Variants in MLXIP observed in about 807,000 individuals in gnomAD.
MLXIP encodes MLX interacting protein.
Under a neutral mutation model 87.2 loss-of-function variants are expected in MLXIP, and 30 were observed. The observed-to-expected ratio is 0.34, with a 90% confidence interval of 0.26 to 0.47. MLXIP has a LOEUF of 0.47. Ranked by LOEUF, MLXIP falls within the 20% of genes least tolerant of loss-of-function variation. MLXIP has a pLI of 1.00. For synonymous variants in MLXIP, 530 were observed against 514.0 expected (o/e 1.03, Z -0.42); for missense variants, 1,002 against 1,240.1 (o/e 0.81, Z 2.88).
chr12:122,088,673 T>C (rs2135900179), intron 1 of MLXIP, among the ~76,000 whole-genome samples: 1 of 152,196 alleles, frequency 6.6e-6, no homozygotes, highest in East Asian at 1.9e-4. Flanking sequence ...TGTTGAGGAA[T>C]ATTCTGCAAG....
At chr12:122,102,072 A>AC (rs923097007) in intron 1 of MLXIP, among the ~76,000 whole-genome samples, 1 of 152,220 alleles carries the variant, frequency 6.6e-6, no homozygotes, top group African/African-American at 2.4e-5. Context: ...AAGTGAAACT[A>AC]CAAGATCAAA....
At chr12:122,140,743 T>C in intron 15 of MLXIP, 1 of 735,788 alleles carries the variant, frequency 1.4e-6, no homozygotes, top group South Asian at 1.5e-5. Context: ...TGAGCGGCCC[T>C]GTTGTCCAGG....
intron 1 of MLXIP, among the ~76,000 whole-genome samples, chr12:122,101,315 G>A (rs998275764): frequency 6.6e-6 from 1 of 151,234 alleles, no homozygotes; most frequent in South Asian, 2.1e-4. Flanking sequence ...GTTACACCCT[G>A]TTGTTTTGTC....
At chr12:122,088,857 A>T (rs951261109) in intron 1 of MLXIP, among the ~76,000 whole-genome samples, 2 of 152,092 alleles carry the variant, frequency 1.3e-5, no homozygotes, top group African/African-American at 4.8e-5. Context: ...ATATTCACCC[A>T]GTATTCTAGC....
At position 122,141,973 on chromosome 12, in the gene MLXIP, C is replaced by T. The variant is rs1953214693; in HGVS notation, c.*161C>T. On this transcript the variant is annotated 3_prime_UTR_variant, in exon 17 of 17. Coordinates refer to ENST00000319080, the MANE Select transcript of MLXIP (RefSeq NM_014938.6). ...CGGGAGGCCATGCTCAGGTCTGAAGCAGGTTTGGGGCCTGCTGACAGCAAT... is the reference window on the plus strand; with the variant it reads ...CGGGAGGCCATGCTCAGGTCTGAAGTAGGTTTGGGGCCTGCTGACAGCAAT... 2 of 1,138,350 alleles carry T rather than the reference C, an allele frequency of 1.8e-6. No individual in the cohort carries two copies. Among genetic ancestry groups the T allele is most frequent in the South Asian group, 1.5e-5 (1 of 65,788 alleles). 70.5% of individuals were successfully genotyped at this position (1,138,350 alleles called of 1,614,324 possible).
At chr12:122,134,185 C>T in intron 9 of MLXIP, 198 bp downstream of exon 9, 1 of 663,736 alleles carries the variant, frequency 1.5e-6, no homozygotes, top group Non-Finnish European at 2.3e-6. Context: ...TATGCTCTAT[C>T]TTTTTTGTTT....
chr12:122,088,378 C>A (rs1952198617), intron 1 of MLXIP, among the ~76,000 whole-genome samples: 1 of 152,114 alleles, frequency 6.6e-6, no homozygotes, highest in African/African-American at 2.4e-5. Flanking sequence ...GCTGACTGCA[C>A]CATCAGAAAA....
At chr12:122,111,625 A>C (rs912575145) in intron 1 of MLXIP, among the ~76,000 whole-genome samples, 1 of 152,226 alleles carries the variant, frequency 6.6e-6, no homozygotes, top group Non-Finnish European at 1.5e-5. Context: ...AGGTGGGGCT[A>C]TGTCAAACAC....
At position 122,141,762 on chromosome 12, in the gene MLXIP, CAGGCGTCCA is replaced by C. The variant is rs764003143; in HGVS notation, c.2715_2723del (p.Ser906_Ala908del). ...CACAGACCCGGCACAGCTGCCAGAGCAGGCGTCCAAGGCTGTCACCAGGATTGGCAAGAG... is the reference window on the plus strand; with the variant it reads ...CACAGACCCGGCACAGCTGCCAGAGCAGGCTGTCACCAGGATTGGCAAGAG... On this transcript the variant is annotated inframe_deletion, in exon 17 of 17. Transcript: ENST00000319080. 1.6e-5 allele frequency: 26 copies of C among 1,613,742 alleles called. No homozygotes were observed. The Middle Eastern group carries it at 5.0e-4, about 31-fold the overall frequency.
At position 122,079,008 on chromosome 12, in the gene MLXIP, C is replaced by A; in HGVS notation, c.155C>A (p.Ala52Asp). 8.2e-7 allele frequency: 1 copy of A among 1,226,088 alleles called. No homozygotes were observed. The highest frequency in any genetic ancestry group is 1.0e-6 in the Non-Finnish European group (1 of 981,584). 76.0% of individuals were successfully genotyped at this position (1,226,088 alleles called of 1,614,324 possible). A position where few individuals can be genotyped will look rare whatever the true frequency, so the allele number is the denominator to read the frequency against. ...PASGAATPAR[A>D]HASAAPPPPR... ...TCCGGCGCGGCCACCCCGGCCCGGG[C>A]CCACGCGAGCGCCGCGCCACCGCCG... Residue 52 changes from alanine (A) to aspartate (D), a missense_variant, in exon 1 of 17, where the codon GCC becomes GAC. Coordinates refer to ENST00000319080, the MANE Select transcript of MLXIP (RefSeq NM_014938.6).
At chr12:122,119,730 G>T (rs1291503254) in intron 1 of MLXIP, among the ~76,000 whole-genome samples, 1 of 152,226 alleles carries the variant, frequency 6.6e-6, no homozygotes, top group South Asian at 2.1e-4. Flanking sequence ...TGAATATCTA[G>T]GTTATTTCCA....
intron 16 of MLXIP, 144 bp downstream of exon 16, chr12:122,141,227 T>A (rs7975001): frequency 7.1e-5 from 88 of 1,240,984 alleles, no homozygotes; most frequent in Non-Finnish European, 9.2e-5. Context: ...CAGGAGGTCC[T>A]CAGTCAGGAG....
Position 122,138,537 on chromosome 12 carries a change from C to G in MLXIP, c.2370C>G (p.Leu790=). Residue 790 remains leucine (L), a synonymous_variant, in exon 14 of 17, where the codon CTC becomes CTG. Coordinates refer to ENST00000319080, the MANE Select transcript of MLXIP (RefSeq NM_014938.6). ...ARRLREEIEE[L]NATIISCQQL... is the part of the protein sequence containing the mutation. Reference sequence around the variant, plus strand: ...GGCTGCGGGAGGAGATCGAGGAGCTCAATGCCACCATCATGTGAGCTTCTG... The same window carrying G: ...GGCTGCGGGAGGAGATCGAGGAGCTGAATGCCACCATCATGTGAGCTTCTG... The G allele has an allele frequency of 6.2e-7, 1 of 1,612,078 alleles. No homozygotes were observed. The highest frequency in any genetic ancestry group is 8.5e-7 in the Non-Finnish European group (1 of 1,179,290).
chr12:122,110,206 A>G (rs956248152), intron 1 of MLXIP, among the ~76,000 whole-genome samples: 3 of 152,132 alleles, frequency 2.0e-5, no homozygotes, highest in African/African-American at 7.2e-5. Flanking sequence ...TAATCTTAGC[A>G]CATTAGGAGG....
Position 122,137,276 on chromosome 12 carries a change from T to C in MLXIP, c.2033-193T>C. The C allele has an allele frequency of 1.9e-6, 1 of 534,436 alleles. No individual in the cohort carries two copies. The highest frequency in any genetic ancestry group is 3.1e-6 in the Non-Finnish European group (1 of 320,324). The allele number at this position is 534,436 out of a possible 1,614,324, so 33.1% of individuals were successfully genotyped here. A position where few individuals can be genotyped will look rare whatever the true frequency, so the allele number is the denominator to read the frequency against. On this transcript the variant is annotated intron_variant, in intron 11 of 16. Transcript: ENST00000319080. The surrounding 1 kb of genome is among the most constrained non-coding windows in gnomAD (Gnocchi z 4.1). ...CTGTGTGGATTAAGGGTGTTTTTGT[T>C]GTTGTTATTAATTTAAGATTTTCAG...
intron 2 of MLXIP, 86 bp downstream of exon 2, chr12:122,127,448 T>G: frequency 1.1e-6 from 1 of 907,808 alleles, no homozygotes; most frequent in Non-Finnish European, 1.7e-6. Context: ...AGTCTGCTCC[T>G]GGGACCTGGT....
intron 1 of MLXIP, among the ~76,000 whole-genome samples, chr12:122,108,796 T>A (rs1272816785): frequency 6.6e-6 from 1 of 152,178 alleles, no homozygotes; most frequent in Non-Finnish European, 1.5e-5. Context: ...GACTTCTTTT[T>A]CCTGCTCTGT....
At chr12:122,101,473 TG>T in intron 1 of MLXIP, among the ~76,000 whole-genome samples, 1 of 151,586 alleles carries the variant, frequency 6.6e-6, no homozygotes, top group African/African-American at 2.4e-5. Context: ...TCATGCTTTT[TG>T]TGTTGTATTT....
chr12:122,082,661 G>A (rs1244529746), intron 1 of MLXIP, among the ~76,000 whole-genome samples: 1 of 152,218 alleles, frequency 6.6e-6, no homozygotes, highest in Non-Finnish European at 1.5e-5. Flanking sequence ...GGTCTTAGCT[G>A]AGCTTTCAAA....
Sources: allele counts gnomAD v4.1 joint callset (sites outside exome capture counted in the v4.1 genomes callset), GRCh38; gene constraint gnomAD v4.1.1; non-coding constraint Gnocchi (gnomAD v3.1); transcripts MANE v1.5; gene names NCBI Gene and HGNC (gene_info 2026-07-23, HGNC 2026-07-21).